Variants in ELMO1 observed in about 807,000 individuals in gnomAD.
The protein encoded by ELMO1 is engulfment and cell motility 1, also known as engulfment and cell motility protein 1.
In ELMO1, 26 loss-of-function variants were observed where a neutral mutation model predicts 98.9. The observed-to-expected ratio is 0.26, with a 90% CI of 0.19 to 0.36. ELMO1 has a LOEUF of 0.36. Among genes scored for constraint, ELMO1 ranks in the 10% least tolerant of loss-of-function variants. The pLI is 1.00. For missense variants in ELMO1, 627 were observed against 935.2 expected, an observed-to-expected ratio of 0.67 and a Z score of 4.30; for synonymous variants, 346 against 346.0, an observed-to-expected ratio of 1.00 and a Z score of 0.00.
intron 13 of ELMO1, among the ~76,000 whole-genome samples, chr7:37,152,129 G>GT (rs1788408592): frequency 6.6e-6 from 1 of 152,168 alleles, no homozygotes; most frequent in African/African-American, 2.4e-5. Context: ...AAACTACTAT[G>GT]TTAAAAAATA....
At chr7:36,978,196 C>CA (rs1790751070) in intron 16 of ELMO1, among the ~76,000 whole-genome samples, 1 of 152,130 alleles carries the variant, frequency 6.6e-6, no homozygotes, top group African/African-American at 2.4e-5. Context: ...AAGGTAACTG[C>CA]ATGCTACTAC....
At chr7:37,334,852 T>G (rs1247482541) in intron 2 of ELMO1, among the ~76,000 whole-genome samples, 1 of 152,230 alleles carries the variant, frequency 6.6e-6, no homozygotes, top group African/African-American at 2.4e-5. Context: ...CTAAAACACA[T>G]GCATCTGTGT....
intron 14 of ELMO1, among the ~76,000 whole-genome samples, chr7:37,113,701 G>T (rs983519649): frequency 1.3e-5 from 2 of 152,222 alleles, no homozygotes; most frequent in East Asian, 3.9e-4. Context: ...GCATGTGACT[G>T]TATTTGAAGA....
At chr7:37,214,250 C>T (rs1406065036) in intron 11 of ELMO1, among the ~76,000 whole-genome samples, 1 of 152,106 alleles carries the variant, frequency 6.6e-6, no homozygotes, top group Non-Finnish European at 1.5e-5. Context: ...ATTAAAAATG[C>T]CAAACAATGG....
chr7:37,022,174 C>A (rs147643632), intron 15 of ELMO1, among the ~76,000 whole-genome samples: 96 of 152,260 alleles, frequency 6.3e-4, no homozygotes, highest in Admixed American at 1.8e-3. Flanking sequence ...AGAATATATT[C>A]ATGACTTTAA....
intron 16 of ELMO1, among the ~76,000 whole-genome samples, chr7:36,926,041 C>G (rs1433101956): frequency 1.3e-5 from 2 of 152,126 alleles, no homozygotes; most frequent in Admixed American, 1.3e-4. Context: ...CCTCCAAGTC[C>G]CCTTCATCTT....
chr7:37,337,527 A>T (rs1210365073), intron 2 of ELMO1, among the ~76,000 whole-genome samples: 5 of 59,338 alleles, frequency 8.4e-5, no homozygotes, highest in African/African-American at 1.4e-4. Flanking sequence ...AAAGTATAAA[A>T]AAAAAAAAAA....
At chr7:37,075,695 C>T (rs1797538386) in intron 15 of ELMO1, among the ~76,000 whole-genome samples, 1 of 152,030 alleles carries the variant, frequency 6.6e-6, no homozygotes, top group Non-Finnish European at 1.5e-5. Flanking sequence ...TATCAAGAAG[C>T]CCTTCTAGGA....
At chr7:37,371,340 C>T (rs1802107417) in intron 1 of ELMO1, among the ~76,000 whole-genome samples, 1 of 152,200 alleles carries the variant, frequency 6.6e-6, no homozygotes, top group Non-Finnish European at 1.5e-5. Context: ...TCTTAGGCTG[C>T]ATGATGGGTA....
chr7:37,170,197 G>A (rs1470064535), intron 13 of ELMO1, among the ~76,000 whole-genome samples: 3 of 152,162 alleles, frequency 2.0e-5, no homozygotes, highest in Non-Finnish European at 2.9e-5. Context: ...GAGCCACCGC[G>A]CCTGGCGCAG....
intron 1 of ELMO1, among the ~76,000 whole-genome samples, chr7:37,388,240 G>A (rs1485160527): frequency 1.3e-5 from 2 of 152,128 alleles, no homozygotes; most frequent in African/African-American, 4.8e-5. Context: ...GAGTGTGAAA[G>A]TGCCCACCAC....
intron 15 of ELMO1, among the ~76,000 whole-genome samples, chr7:37,095,115 C>G (rs6956832): frequency 0.2 from 30,389 of 152,110 alleles, 4,534 homozygotes; most frequent in African/African-American, 0.42. Context: ...AGGAGACAAC[C>G]AAGGGCAGTG....
chr7:36,895,203 G>T (rs908628796), intron 16 of ELMO1, among the ~76,000 whole-genome samples, 186 bp from the exon 17 acceptor site: 4 of 152,100 alleles, frequency 2.6e-5, no homozygotes, highest in Non-Finnish European at 4.4e-5. Flanking sequence ...CTCTTGCATT[G>T]CTGGAACACA....
chr7:37,159,838 A>G (rs1048548916), intron 13 of ELMO1, among the ~76,000 whole-genome samples: 1 of 152,250 alleles, frequency 6.6e-6, no homozygotes, highest in Non-Finnish European at 1.5e-5. Context: ...TAGTCACAAC[A>G]TAAAGTCACG....
At chr7:37,171,151 T>C (rs1790125741) in intron 13 of ELMO1, among the ~76,000 whole-genome samples, 1 of 152,116 alleles carries the variant, frequency 6.6e-6, no homozygotes, top group Non-Finnish European at 1.5e-5. Context: ...TTTTATATGT[T>C]TATAAGACTG....
intron 13 of ELMO1, among the ~76,000 whole-genome samples, chr7:37,190,956 A>G (rs1791528626): frequency 6.6e-6 from 1 of 151,762 alleles, no homozygotes; most frequent in Non-Finnish European, 1.5e-5. Flanking sequence ...TGGGAGGCAG[A>G]GGCGGGTGGA....
chr7:37,105,075 A>T (rs1244254472), intron 14 of ELMO1, among the ~76,000 whole-genome samples: 1 of 152,252 alleles, frequency 6.6e-6, no homozygotes, highest in African/African-American at 2.4e-5. Flanking sequence ...AATAGACCTC[A>T]AATTGAACAT....
intron 13 of ELMO1, among the ~76,000 whole-genome samples, chr7:37,133,580 A>G (rs1227300701): frequency 6.6e-6 from 1 of 152,206 alleles, no homozygotes; most frequent in Non-Finnish European, 1.5e-5. Context: ...GCATTTGGGT[A>G]GAAAAAAACT....
chr7:37,015,446 C>T (rs1440282439), intron 15 of ELMO1, among the ~76,000 whole-genome samples: 3 of 151,954 alleles, frequency 2.0e-5, no homozygotes, highest in African/African-American at 7.3e-5. Context: ...ACTAAAAACA[C>T]AAAAATTAGC....
Sources: gnomAD v4.1 joint callset for allele counts (sites outside exome capture counted in the v4.1 genomes callset) on GRCh38, gnomAD v4.1.1 for gene constraint, MANE v1.5 for transcripts, NCBI Gene and HGNC (gene_info 2026-07-23, HGNC 2026-07-21) for gene names.